RARB: variants seen among roughly 807,000 people sequenced by gnomAD.
The protein encoded by RARB is HBV-activated protein.
Under a neutral mutation model 51.9 loss-of-function variants are expected in RARB, and 17 were observed. The ratio of observed to expected loss-of-function variants is 0.33; its 90% confidence interval spans 0.22 to 0.49. The LOEUF is 0.49. RARB is among the 20% of genes least tolerant of loss of function. The probability of loss-of-function intolerance (pLI) is 0.99; values close to 1 mark genes in which losing one functional copy is unlikely to be tolerated. For synonymous variants in RARB, 215 were observed against 195.4 expected (o/e 1.10, Z -0.84); for missense variants, 369 against 550.8 (o/e 0.67, Z 3.30).
intron 2 of RARB, among the ~76,000 whole-genome samples, chr3:24,945,052 C>T (rs1695744934): frequency 6.6e-6 from 1 of 152,118 alleles, no homozygotes; most frequent in African/African-American, 2.4e-5. Flanking sequence ...GAACAGTGAC[C>T]TAGTTTTTGG....
At chr3:25,524,062 G>T (rs1698527579) in intron 3 of RARB, among the ~76,000 whole-genome samples, 1 of 152,154 alleles carries the variant, frequency 6.6e-6, no homozygotes, top group Non-Finnish European at 1.5e-5. Flanking sequence ...TATACTATAG[G>T]TTGTTCACTG....
chr3:25,222,192 GGGGCA>G (rs1334700133), intron 5 of RARB, among the ~76,000 whole-genome samples: 1 of 152,158 alleles, frequency 6.6e-6, no homozygotes, highest in East Asian at 1.9e-4. Context: ...AAAGCATCGA[GGGGCA>G]GATATATGAT....
At chr3:25,242,013 G>C (rs545490155) in intron 5 of RARB, among the ~76,000 whole-genome samples, 28 of 152,304 alleles carry the variant, frequency 1.8e-4, no homozygotes, top group African/African-American at 6.5e-4. Flanking sequence ...TTTAACTGGC[G>C]TGAGATGGTA....
Position 24,950,049 on chromosome 3 carries a change from G to C in RARB, c.-380+91297G>C, listed in dbSNP as rs528713942. On this transcript the variant is annotated intron_variant, in intron 2 of 11. Coordinates refer to the RARB transcript ENST00000383772. ...TTGTGCCATTGAAATGTTAATGTAG[G>C]TGAGCATCACCTTGTAAAATTCATA... is the stretch of plus-strand genomic sequence containing the variant. Among the ~76,000 whole-genome samples the C allele has an allele frequency of 3.3e-5, 5 of 152,304 alleles. No individual in the cohort carries two copies. In the South Asian group the frequency reaches 1.0e-3, roughly 32 times the overall value.
intron 5 of RARB, among the ~76,000 whole-genome samples, chr3:25,385,816 T>G (rs1706777671): frequency 6.6e-6 from 1 of 152,124 alleles, no homozygotes; most frequent in African/African-American, 2.4e-5. Flanking sequence ...TCTTGTATCT[T>G]TCCTAAACCA....
intron 2 of RARB, among the ~76,000 whole-genome samples, chr3:25,035,832 T>C (rs896570011): frequency 6.6e-6 from 1 of 152,192 alleles, no homozygotes; most frequent in Admixed American, 6.5e-5. Flanking sequence ...ATTTGGCTTA[T>C]AGGCTGTAGT....
At chr3:25,033,738 C>T (rs1348807559) in intron 2 of RARB, among the ~76,000 whole-genome samples, 1 of 152,186 alleles carries the variant, frequency 6.6e-6, no homozygotes, top group Non-Finnish European at 1.5e-5. Flanking sequence ...TGACTAACTA[C>T]AGCTTGGAAC....
intron 4 of RARB, among the ~76,000 whole-genome samples, chr3:25,170,162 A>T (rs1700621019): frequency 6.6e-6 from 1 of 152,124 alleles, no homozygotes; most frequent in Non-Finnish European, 1.5e-5. Context: ...CTTTACAAAT[A>T]GTGCTTTATT....
chr3:25,253,283 T>C (rs1702775474), intron 5 of RARB, among the ~76,000 whole-genome samples: 1 of 152,170 alleles, frequency 6.6e-6, no homozygotes, highest in Admixed American at 6.5e-5. Flanking sequence ...AGGGCTGAGT[T>C]GTACATCCGT....
chr3:25,138,215 C>A (rs1700060154), intron 4 of RARB, among the ~76,000 whole-genome samples: 2 of 152,006 alleles, frequency 1.3e-5, no homozygotes, highest in East Asian at 1.9e-4. Context: ...GGGGAATAGT[C>A]AAATTACCAC....
chr3:24,942,741 T>C (rs1032435534), intron 2 of RARB, among the ~76,000 whole-genome samples: 1 of 152,148 alleles, frequency 6.6e-6, no homozygotes, highest in African/African-American at 2.4e-5. Flanking sequence ...AAGATTACTG[T>C]CAAGAGCATT....
At chr3:25,102,056 T>G (rs1699410076) in intron 3 of RARB, among the ~76,000 whole-genome samples, 1 of 152,174 alleles carries the variant, frequency 6.6e-6, no homozygotes, top group Non-Finnish European at 1.5e-5. Context: ...TGAACAAATT[T>G]AAAATTTTTC....
At chr3:24,884,627 A>G (rs1377414904) in intron 2 of RARB, among the ~76,000 whole-genome samples, 6 of 152,150 alleles carry the variant, frequency 3.9e-5, no homozygotes, top group Non-Finnish European at 7.4e-5. Flanking sequence ...TTCTTACTTC[A>G]TAGGATTTTT....
rs1172722261 is a variant in RARB at position 25,166,108 on chromosome 3, A to C, written c.-279-8011A>C. ...TTGACTGCATTATTTCCTCTAAATT[A>C]CTCTCTTCCATCTCCTTTATTCCCA... On this transcript the variant is annotated intron_variant, in intron 4 of 11. Coordinates refer to the RARB transcript ENST00000383772. Among the ~76,000 whole-genome samples the C allele has an allele frequency of 2.0e-5, 3 of 151,914 alleles. No individual in the cohort carries two copies. The East Asian group carries it at 5.8e-4, about 30-fold the overall frequency.
chr3:24,902,097 C>T (rs561198714), intron 2 of RARB, among the ~76,000 whole-genome samples: 1 of 152,108 alleles, frequency 6.6e-6, no homozygotes, highest in African/African-American at 2.4e-5. Context: ...ACTTCATAAT[C>T]ATTGTACTAG....
intron 5 of RARB, among the ~76,000 whole-genome samples, chr3:25,230,352 CA>C (rs1159956631): frequency 6.6e-6 from 1 of 152,044 alleles, no homozygotes; most frequent in African/African-American, 2.4e-5. Context: ...TTCTTTCCCC[CA>C]TTTCATGAAA....
intron 2 of RARB, among the ~76,000 whole-genome samples, chr3:24,889,360 G>T (rs1185845542): frequency 6.6e-6 from 1 of 152,146 alleles, no homozygotes; most frequent in Non-Finnish European, 1.5e-5. Flanking sequence ...AAGCAGGAGA[G>T]AAAATCTTGA....
intron 5 of RARB, among the ~76,000 whole-genome samples, chr3:25,381,908 C>T (rs1206373955): frequency 6.6e-6 from 1 of 152,186 alleles, no homozygotes; most frequent in African/African-American, 2.4e-5. Context: ...CCTCTCTACT[C>T]TCAAGCTGCA....
At chr3:25,096,721 G>C (rs1699299074) in intron 3 of RARB, among the ~76,000 whole-genome samples, 1 of 152,070 alleles carries the variant, frequency 6.6e-6, no homozygotes. Context: ...TCACCTCCTA[G>C]TATCTCAAGA....
Sources: allele counts gnomAD v4.1 joint callset (sites outside exome capture counted in the v4.1 genomes callset), GRCh38; gene constraint gnomAD v4.1.1; transcripts MANE v1.5; gene names NCBI Gene and HGNC (gene_info 2026-07-23, HGNC 2026-07-21).